Variants in ERMP1 observed in about 807,000 individuals in gnomAD.
The protein encoded by ERMP1 is endoplasmic reticulum metallopeptidase 1, also known as Felix-ina.
In ERMP1, 86 loss-of-function variants were observed where a neutral mutation model predicts 92.0. The observed-to-expected ratio is 0.93, with a 90% CI of 0.79 to 1.12. The LOEUF (loss-of-function observed/expected upper bound fraction) is 1.12. Ranked by LOEUF, ERMP1 falls within the 50% of genes most tolerant of loss-of-function variation. The pLI is 0.00. For missense variants in ERMP1, 1,342 were observed against 1,116.3 expected (o/e 1.20, Z -2.88); for synonymous variants, 530 against 412.8 (o/e 1.28, Z -3.44).
At chr9:5,819,430 A>G (rs143832984) in intron 4 of ERMP1, among the ~76,000 whole-genome samples, 1 of 152,352 alleles carries the variant, frequency 6.6e-6, no homozygotes, top group African/African-American at 2.4e-5. Flanking sequence ...AACCTTGCAT[A>G]AAGGCCATTG....
chr9:5,807,620 T>A (rs1259485708), intron 8 of ERMP1, among the ~76,000 whole-genome samples: 2 of 151,820 alleles, frequency 1.3e-5, no homozygotes, highest in Non-Finnish European at 2.9e-5. Flanking sequence ...GTGGCACACA[T>A]CTGTAGTCCC....
intron 13 of ERMP1, among the ~76,000 whole-genome samples, chr9:5,793,980 G>A (rs1016755755): frequency 6.6e-6 from 1 of 152,048 alleles, no homozygotes; most frequent in African/African-American, 2.4e-5. Flanking sequence ...GCAACAGTAT[G>A]CACATTATTT....
intron 4 of ERMP1, among the ~76,000 whole-genome samples, chr9:5,813,525 GA>G (rs1158064991): frequency 1.3e-5 from 2 of 151,916 alleles, no homozygotes; most frequent in Admixed American, 1.3e-4. Context: ...TCGGATTTTG[GA>G]ATATCTGCAT....
upstream of ERMP1, among the ~76,000 whole-genome samples, chr9:5,835,027 AAGATCCTCAC>A (rs1341635076): frequency 8.1e-6 from 1 of 123,988 alleles, no homozygotes; most frequent in Admixed American, 8.1e-5. Context: ...GTGTGTGTGA[AAGATCCTCAC>A]ATAAGATTCT....
chr9:5,808,333 C>T (rs1828947378), intron 8 of ERMP1, among the ~76,000 whole-genome samples: 1 of 152,254 alleles, frequency 6.6e-6, no homozygotes, highest in African/African-American at 2.4e-5. Context: ...ACTCTGATTA[C>T]ATACAATTAC....
At chr9:5,792,624 A>C (rs1420067266) in intron 13 of ERMP1, among the ~76,000 whole-genome samples, 2 of 152,196 alleles carry the variant, frequency 1.3e-5, no homozygotes, top group Non-Finnish European at 2.9e-5. Context: ...ACTTATTAAA[A>C]GGTTTAAGAA....
chr9:5,834,703 ATGTGTG>A (rs766269385), upstream of ERMP1, among the ~76,000 whole-genome samples: 744 of 122,982 alleles, frequency 6.0e-3, 5 homozygotes, highest in African/African-American at 0.02. Flanking sequence ...GTATGTATAT[ATGTGTG>A]TGTGTGTGTG....
chr9:5,816,240 G>C (rs924791575), intron 4 of ERMP1, among the ~76,000 whole-genome samples: 4 of 152,022 alleles, frequency 2.6e-5, no homozygotes, highest in African/African-American at 9.7e-5. Context: ...TAAATGGTTA[G>C]GACATTAATG....
chr9:5,790,169 C>CTTT (rs371493040), intron 13 of ERMP1, among the ~76,000 whole-genome samples: 48 of 126,772 alleles, frequency 3.8e-4, no homozygotes, highest in African/African-American at 1.2e-3. Flanking sequence ...AAAACAATAC[C>CTTT]TTTTTTTTTT....
At chr9:5,811,694 T>C (rs1306897030) in intron 6 of ERMP1, among the ~76,000 whole-genome samples, 1 of 152,202 alleles carries the variant, frequency 6.6e-6, no homozygotes, top group Non-Finnish European at 1.5e-5. Flanking sequence ...TAATAATATA[T>C]ATTAACTGTA....
At chr9:5,854,203 G>C (rs1055904310) in intron 6 of ERMP1, among the ~76,000 whole-genome samples, 1 of 152,058 alleles carries the variant, frequency 6.6e-6, no homozygotes, top group Non-Finnish European at 1.5e-5. Flanking sequence ...GCTCATATCT[G>C]TATCTAGGTG....
At chr9:5,823,420 A>G (rs1448193896) in intron 4 of ERMP1, among the ~76,000 whole-genome samples, 1 of 152,234 alleles carries the variant, frequency 6.6e-6, no homozygotes, top group Non-Finnish European at 1.5e-5. Context: ...AATGATTGAC[A>G]TTTAACAATA....
chr9:5,829,483 A>G (rs1216837557), intron 2 of ERMP1, among the ~76,000 whole-genome samples: 2 of 152,200 alleles, frequency 1.3e-5, no homozygotes, highest in Non-Finnish European at 2.9e-5. Context: ...TTAATATTAC[A>G]TAAGAGTTAA....
chr9:5,787,487 A>G lies in ERMP1; in HGVS notation c.2493T>C (p.Phe831=). ...CCTGGAGTCCATGGGAGTAAAAGAC[A>G]AAGTAGTCTCCTCCTTTACTTGTGA... ...TPVTSKGGDY[F]VFYSHGLQAS... is the part of the protein sequence containing the mutation. The change falls in exon 14 of 15, where the codon TTT becomes TTC. Residue 831 remains phenylalanine (F), a synonymous_variant. Transcript: ENST00000339450. The G allele has an allele frequency of 6.2e-7, 1 of 1,614,176 alleles. No homozygotes were observed. Among genetic ancestry groups the G allele is most frequent in the Non-Finnish European group, 8.5e-7 (1 of 1,179,990 alleles).
At chr9:5,823,130 T>G (rs941096067) in intron 4 of ERMP1, among the ~76,000 whole-genome samples, 2 of 151,896 alleles carry the variant, frequency 1.3e-5, no homozygotes, top group Non-Finnish European at 2.9e-5. Context: ...ACAAAAAAAT[T>G]TTTAAATAGC....
intron 6 of ERMP1, among the ~76,000 whole-genome samples, chr9:5,849,807 C>A (rs1025783351): frequency 1.3e-5 from 2 of 152,208 alleles, no homozygotes; most frequent in African/African-American, 4.8e-5. Context: ...AGTTTAGCTA[C>A]CTACCAGTTG....
chr9:5,832,932 C>CT lies in ERMP1; in HGVS notation c.95dup (p.Ala33GlyfsTer25), dbSNP rs767654906. On this transcript the variant is annotated frameshift_variant, in exon 1 of 15. Transcript: ENST00000339450. LOFTEE classifies it high-confidence loss of function. ...CCACCAGAGGCTCCTGCGCTCGGGC[C>CT]TCCCTCTCCGGCGGTGGCGCGGCCG... 1.3e-6 allele frequency: 2 copies of CT among 1,562,602 alleles called. No individual in the cohort carries two copies. Among genetic ancestry groups the CT allele is most frequent in the East Asian group, 5.0e-5 (2 of 40,196 alleles).
intron 6 of ERMP1, among the ~76,000 whole-genome samples, chr9:5,842,149 C>A (rs1830172815): frequency 6.6e-6 from 1 of 152,154 alleles, no homozygotes; most frequent in African/African-American, 2.4e-5. Flanking sequence ...GGGACTGGAG[C>A]AGGTTGCAGC....
chr9:5,839,930 T>C (rs568520376), intron 6 of ERMP1, among the ~76,000 whole-genome samples: 117 of 152,280 alleles, frequency 7.7e-4, no homozygotes, highest in African/African-American at 2.6e-3. Flanking sequence ...ACCTACTTGG[T>C]ACATTAGCAA....
Sources: gnomAD v4.1 joint callset for allele counts (sites outside exome capture counted in the v4.1 genomes callset) on GRCh38, gnomAD v4.1.1 for gene constraint, MANE v1.5 for transcripts, NCBI Gene and HGNC (gene_info 2026-07-23, HGNC 2026-07-21) for gene names.